Variants in ABTB2 observed in about 807,000 individuals in gnomAD.
ABTB2 encodes ankyrin repeat and BTB/POZ domain-containing protein 2.
ABTB2 carries 56 observed loss-of-function variants against 104.1 expected under a neutral mutation model. The observed-to-expected ratio is 0.54, with a 90% confidence interval of 0.43 to 0.67. The LOEUF is 0.67. Ranked by LOEUF, ABTB2 falls within the 30% of genes least tolerant of loss-of-function variation. ABTB2 has a pLI of 0.00. For synonymous variants in ABTB2, 606 were observed against 608.2 expected, an observed-to-expected ratio of 1.00 and a Z score of 0.05; for missense variants, 1,279 against 1,407.7, an observed-to-expected ratio of 0.91 and a Z score of 1.46.
intron 5 of ABTB2, 32 bp from the exon 6 acceptor site, chr11:34,168,024 T>G (rs368539730): frequency 1.5e-4 from 242 of 1,603,326 alleles, no homozygotes; most frequent in African/African-American, 5.4e-5. Flanking sequence ...GCTAAACTGT[T>G]TGCAAACAGA....
chr11:34,253,031 G>A (rs1854073302), intron 1 of ABTB2, among the ~76,000 whole-genome samples: 1 of 152,146 alleles, frequency 6.6e-6, no homozygotes, highest in African/African-American at 2.4e-5. Flanking sequence ...ATCTCCACCT[G>A]GGAAAGGCTC....
chr11:34,209,029 A>G (rs1853443739), intron 1 of ABTB2, among the ~76,000 whole-genome samples: 1 of 152,146 alleles, frequency 6.6e-6, no homozygotes, highest in Non-Finnish European at 1.5e-5. Context: ...ACTCCTTTGC[A>G]CATCTAACTA....
chr11:34,171,031 G>C lies in ABTB2; in HGVS notation c.1438C>G (p.Arg480Gly). 6.2e-7 allele frequency: 1 copy of C among 1,614,094 alleles called. No homozygotes were observed. The highest frequency in any genetic ancestry group is 8.5e-7 in the Non-Finnish European group (1 of 1,180,032). ...CFSSFRRLDA[R>G]AATEKFNQDL... is the part of the protein sequence containing the mutation. ...TGGTTGAATTTTTCAGTAGCTGCTC[G>C]GGCATCCAGCCTCCGGAAGGAACTG... Residue 480 changes from arginine (R) to glycine (G), a missense_variant, in exon 5 of 17, where the codon CGA becomes GGA. Transcript: ENST00000435224.
At chr11:34,343,101 C>G (rs1429920681) in intron 1 of ABTB2, among the ~76,000 whole-genome samples, 3 of 152,120 alleles carry the variant, frequency 2.0e-5, no homozygotes, top group Non-Finnish European at 4.4e-5. Context: ...TCCCGAGTAG[C>G]TGGGATTACA....
intron 1 of ABTB2, among the ~76,000 whole-genome samples, chr11:34,347,503 C>CT (rs148912870): frequency 0.094 from 14,348 of 152,224 alleles, 873 homozygotes; most frequent in Non-Finnish European, 0.13. Context: ...CTACAAATGA[C>CT]TGTGTATGTA....
intron 1 of ABTB2, among the ~76,000 whole-genome samples, chr11:34,316,178 G>C (rs1854927580): frequency 6.6e-6 from 1 of 152,192 alleles, no homozygotes; most frequent in Non-Finnish European, 1.5e-5. Flanking sequence ...AAGGAGGAGG[G>C]GAGACAGCCC....
rs1240315948 is a variant in ABTB2 at position 34,168,099 on chromosome 11, A to C, written c.1564-107T>G. 7 of 1,130,068 alleles carry C rather than the reference A, an allele frequency of 6.2e-6. No homozygotes were observed. In the Admixed American group the frequency reaches 9.9e-5, roughly 16 times the overall value. The allele number at this position is 1,130,068 out of a possible 1,614,324, so 70.0% of individuals were successfully genotyped here. ...CACAGATCGGGCACCCCGCCACCCC[A>C]GCCGAGCATCCTGTGGTCCCCCAGG... On this transcript the variant is annotated intron_variant, in intron 5 of 16. Coordinates refer to ENST00000435224, the MANE Select transcript of ABTB2 (RefSeq NM_145804.3).
rs139899803 is a variant in ABTB2 at position 34,350,633 on chromosome 11, C to T, written c.883+6068G>A. ...GAAGATACACCCCTGGGTGTCAGTG[C>T]CTGCTCTTTCACTGTGGTCGTGAAC... On this transcript the variant is annotated intron_variant, in intron 1 of 16. Transcript: ENST00000435224. Among the ~76,000 whole-genome samples, 760 of 152,310 alleles carry T rather than the reference C, an allele frequency of 5.0e-3. 5 individuals carry two copies. Among genetic ancestry groups the T allele is most frequent in the African/African-American group, 0.017 (721 of 41,566 alleles).
intron 1 of ABTB2, among the ~76,000 whole-genome samples, chr11:34,351,414 C>G (rs1264333185): frequency 6.6e-6 from 1 of 151,954 alleles, no homozygotes; most frequent in Non-Finnish European, 1.5e-5. Flanking sequence ...AGCCCTTCCT[C>G]TTGGGTATTG....
chr11:34,191,639 T>A (rs1228440258), intron 3 of ABTB2, among the ~76,000 whole-genome samples: 1 of 152,186 alleles, frequency 6.6e-6, no homozygotes. Context: ...AGGGGCTTCC[T>A]GGACCCTCTG....
intron 1 of ABTB2, among the ~76,000 whole-genome samples, chr11:34,354,873 T>C (rs1855447018): frequency 6.6e-6 from 1 of 152,184 alleles, no homozygotes; most frequent in African/African-American, 2.4e-5. Context: ...GGGCCTCCTC[T>C]CAGCCAAAAG....
At chr11:34,192,550 C>G (rs1233568795) in intron 3 of ABTB2, among the ~76,000 whole-genome samples, 1 of 152,214 alleles carries the variant, frequency 6.6e-6, no homozygotes, top group Non-Finnish European at 1.5e-5. Context: ...GTTTTCATGT[C>G]CTGGATACCA....
intron 1 of ABTB2, among the ~76,000 whole-genome samples, chr11:34,207,135 C>A (rs1353677383): frequency 1.3e-5 from 2 of 152,260 alleles, no homozygotes; most frequent in Non-Finnish European, 2.9e-5. Flanking sequence ...ACCACCCCAA[C>A]TACAGGCTGA....
chr11:34,197,185 G>C lies in ABTB2; in HGVS notation c.1244+140C>G, dbSNP rs1331141567. On this transcript the variant is annotated intron_variant, in intron 3 of 16. Transcript: ENST00000435224. ...GGCCTTCATCCATCGGAATTCCTGG[G>C]CCACCTCCTCACAGGCATAGCACAG... The C allele has an allele frequency of 3.2e-6, 3 of 939,824 alleles. No homozygotes were observed. The African/African-American group carries it at 4.9e-5, about 15-fold the overall frequency. 58.2% of individuals were successfully genotyped at this position (939,824 alleles called of 1,614,324 possible). A position where few individuals can be genotyped will look rare whatever the true frequency, so the allele number is the denominator to read the frequency against.
intron 1 of ABTB2, chr11:34,335,516 TG>T (rs1431360127): frequency 9.5e-7 from 1 of 1,050,256 alleles, no homozygotes; most frequent in Non-Finnish European, 1.5e-6. Flanking sequence ...CTGGAAACAG[TG>T]ATTCAAAATC....
chr11:34,259,377 C>T (rs1854161719), intron 1 of ABTB2, among the ~76,000 whole-genome samples: 1 of 152,110 alleles, frequency 6.6e-6, no homozygotes, highest in Non-Finnish European at 1.5e-5. Context: ...GGAAATGTAC[C>T]CAGCAACCCT....
intron 1 of ABTB2, among the ~76,000 whole-genome samples, chr11:34,284,101 G>A (rs916726328): frequency 4.6e-5 from 7 of 152,214 alleles, no homozygotes; most frequent in African/African-American, 1.4e-4. Flanking sequence ...CATTTCTAAC[G>A]AGCCCCCAGG....
rs1852969573 is a variant in ABTB2 at position 34,177,224 on chromosome 11, A to G, written c.1245-3917T>C. Among the ~76,000 whole-genome samples, 3 of 152,196 alleles carry G rather than the reference A, an allele frequency of 2.0e-5. 1 individual carries two copies. In the South Asian group the frequency reaches 6.2e-4, roughly 32 times the overall value. The stretch of plus-strand genomic sequence containing the variant: ...CAAGAGGGAATTCGGGAAATCATGA[A>G]GTCTAATCAGGTGGCATCTTGGTTC... On this transcript the variant is annotated intron_variant, in intron 3 of 16. Coordinates refer to ENST00000435224, the MANE Select transcript of ABTB2 (RefSeq NM_145804.3).
Position 34,154,697 on chromosome 11 carries a change from T to G in ABTB2, c.2766+4A>C, listed in dbSNP as rs200587973. The stretch of plus-strand genomic sequence containing the variant: ...AGGCCCCCTCCCCCTCTCCCGAGTC[T>G]CACCTCCAGGATGTCAGTGGTGGGG... On this transcript the variant is annotated splice_donor_region_variant and intron_variant, in intron 15 of 16. Coordinates refer to ENST00000435224, the MANE Select transcript of ABTB2 (RefSeq NM_145804.3). The surrounding 1 kb of genome is among the most constrained non-coding windows in gnomAD (Gnocchi z 4.9). 6.2e-7 allele frequency: 1 copy of G among 1,614,054 alleles called. No individual in the cohort carries two copies. Among genetic ancestry groups the G allele is most frequent in the Non-Finnish European group, 8.5e-7 (1 of 1,179,928 alleles).
Sources: gnomAD v4.1 joint callset for allele counts (sites outside exome capture counted in the v4.1 genomes callset) on GRCh38, gnomAD v4.1.1 for gene constraint, Gnocchi (gnomAD v3.1) non-coding constraint, MANE v1.5 for transcripts, NCBI Gene and HGNC (gene_info 2026-07-23, HGNC 2026-07-21) for gene names.